ASCC2: variants seen among roughly 807,000 people sequenced by gnomAD.
ASCC2 encodes activating signal cointegrator 1 complex subunit 2.
In ASCC2, 42 loss-of-function variants were observed where a neutral mutation model predicts 93.5. The ratio of observed to expected loss-of-function variants is 0.45; its 90% CI spans 0.35 to 0.58. The LOEUF (loss-of-function observed/expected upper bound fraction) is 0.58. Among genes scored for constraint, ASCC2 ranks in the 20% least tolerant of loss-of-function variants. The probability of loss-of-function intolerance (pLI) is 0.00; values close to 1 mark genes in which losing one functional copy is unlikely to be tolerated. For missense variants in ASCC2, 859 were observed against 977.6 expected (o/e 0.88, Z 1.62); for synonymous variants, 364 against 384.2 (o/e 0.95, Z 0.62).
At chr22:29,818,255 T>C (rs1390465830) in intron 5 of ASCC2, among the ~76,000 whole-genome samples, 2 of 152,070 alleles carry the variant, frequency 1.3e-5, no homozygotes, top group African/African-American at 4.8e-5. Context: ...CGGCTGCCCC[T>C]TCTTGTGCCT....
chr22:29,789,716 T>A (rs1014808560), intron 19 of ASCC2, among the ~76,000 whole-genome samples: 1 of 152,186 alleles, frequency 6.6e-6, no homozygotes, highest in Non-Finnish European at 1.5e-5. Context: ...TCAACAACCT[T>A]CTGTGGCTCC....
chr22:29,804,927 C>T, intron 12 of ASCC2, 97 bp from the exon 13 acceptor site: 1 of 1,369,482 alleles, frequency 7.3e-7, no homozygotes, highest in Non-Finnish European at 1.0e-6. Flanking sequence ...TGGTTCCTGC[C>T]AGGGGCTTTC....
chr22:29,835,952 G>C (rs879423901), intron 1 of ASCC2, among the ~76,000 whole-genome samples: 2 of 152,128 alleles, frequency 1.3e-5, no homozygotes, highest in Non-Finnish European at 2.9e-5. Context: ...GGGGGAAAAG[G>C]TGACATTCCA....
chr22:29,799,056 C>T (rs2058774251), intron 15 of ASCC2: 2 of 152,306 alleles, frequency 1.3e-5, no homozygotes, highest in African/African-American at 4.8e-5. Context: ...TGGGACCAGC[C>T]CCTTGGCAAA....
intron 1 of ASCC2, among the ~76,000 whole-genome samples, chr22:29,836,768 G>A (rs1054141308): frequency 1.3e-5 from 2 of 152,152 alleles, no homozygotes; most frequent in Admixed American, 6.5e-5. Flanking sequence ...GGCCAGGCTG[G>A]TCTGGAACTC....
intron 9 of ASCC2, among the ~76,000 whole-genome samples, chr22:29,807,235 CAAAAAAAAAA>C (rs553545816): frequency 2.2e-4 from 10 of 46,480 alleles, no homozygotes; most frequent in African/African-American, 6.8e-4. Flanking sequence ...GACCCTGTCT[CAAAAAAAAAA>C]AAAAAAAAAA....
At chr22:29,809,146 A>G (rs922137414) in intron 8 of ASCC2, among the ~76,000 whole-genome samples, 10 of 147,666 alleles carry the variant, frequency 6.8e-5, no homozygotes, top group Non-Finnish European at 1.4e-4. Flanking sequence ...AAAAAATTTA[A>G]CATGAAAATC....
chr22:29,819,928 T>C (rs1039454854), intron 5 of ASCC2, among the ~76,000 whole-genome samples: 3 of 152,064 alleles, frequency 2.0e-5, no homozygotes, highest in African/African-American at 7.2e-5. Context: ...GGTGTGATCA[T>C]AGTTCACTAC....
chr22:29,827,552 C>T (rs1274790143), intron 2 of ASCC2: 1 of 470,834 alleles, frequency 2.1e-6, no homozygotes, highest in South Asian at 1.5e-5. Context: ...GTCTGCAGGA[C>T]CCCCTCCCAT....
rs2068515518 is a variant in ASCC2, at chr22:29,789,084, C to G, written c.2203G>C (p.Ala735Pro). ...QERRKKEANKATRANHNRRTM... is the reference protein window; with the variant it reads ...QERRKKEANKPTRANHNRRTM... ...CTCCGGTTGTGGTTGGCTCTTGTCG[C>G]CTTGTTGGCTTCCTTCTTCCTGCGT... The change falls in exon 20 of 20, where the codon GCG becomes CCG. Residue 735 changes from alanine to proline, a missense_variant. Physicochemically the swap from Ala to Pro is conservative, Grantham distance 27. Transcript: ENST00000307790. The G allele has an allele frequency of 6.2e-7, 1 of 1,614,038 alleles. No individual in the cohort carries two copies. Among genetic ancestry groups the G allele is most frequent in the Non-Finnish European group, 8.5e-7 (1 of 1,180,028 alleles).
At chr22:29,806,624 T>C (rs1776541011) in intron 10 of ASCC2, 71 bp from the exon 11 acceptor site, 1 of 1,510,064 alleles carries the variant, frequency 6.6e-7, no homozygotes, top group African/African-American at 1.4e-5. Context: ...ACACACCCGC[T>C]GCCCCTCTTT....
chr22:29,819,593 GA>G (rs1400190994), intron 5 of ASCC2, among the ~76,000 whole-genome samples: 3 of 152,170 alleles, frequency 2.0e-5, no homozygotes, highest in African/African-American at 7.2e-5. Context: ...GCCAGGAATA[GA>G]GCTGTGGTGT....
chr22:29,814,636 T>C (rs761231518), intron 7 of ASCC2, 21 bp downstream of exon 7: 1 of 1,570,778 alleles, frequency 6.4e-7, no homozygotes, highest in Non-Finnish European at 8.6e-7. Flanking sequence ...GGAAAGAGAC[T>C]GGGCCGAAGG....
At chr22:29,806,674 G>A (rs1041124581) in intron 10 of ASCC2, 121 bp from the exon 11 acceptor site, 18 of 1,424,832 alleles carry the variant, frequency 1.3e-5, no homozygotes, top group Non-Finnish European at 1.5e-5. Context: ...ATTTTTCTTG[G>A]TTTCTCATCT....
At chr22:29,798,114 A>G (rs2058654005) in intron 15 of ASCC2, among the ~76,000 whole-genome samples, 1 of 152,182 alleles carries the variant, frequency 6.6e-6, no homozygotes, top group Non-Finnish European at 1.5e-5. Flanking sequence ...GGAATGGTCC[A>G]AAGGGATTAG....
Position 29,825,542 on chromosome 22 carries a change from G to C in ASCC2, c.240+80C>G. On this transcript the variant is annotated intron_variant, in intron 3 of 19. Transcript: ENST00000307790. The surrounding 1 kb of genome is among the most constrained non-coding windows in gnomAD (Gnocchi z 4.9). Reference sequence around the variant, plus strand: ...GAAGTAGACAAAAAAGCACCTCCTAGGGGAAGAAAAACAACAACAGCAACC... The same window carrying C: ...GAAGTAGACAAAAAAGCACCTCCTACGGGAAGAAAAACAACAACAGCAACC... 2 of 1,593,690 alleles carry C rather than the reference G, an allele frequency of 1.3e-6. No homozygotes were observed. Among genetic ancestry groups the C allele is most frequent in the Non-Finnish European group, 1.7e-6 (2 of 1,162,354 alleles).
Position 29,806,814 on chromosome 22 carries a change from A to G in ASCC2, c.999T>C (p.Leu333=), listed in dbSNP as rs1275304505. 1.2e-6 allele frequency: 2 copies of G among 1,612,754 alleles called. No individual in the cohort carries two copies. The highest frequency in any genetic ancestry group is 1.7e-6 in the Non-Finnish European group (2 of 1,178,904). Residue 333 remains leucine, a synonymous_variant, in exon 10 of 20, where the codon CTT becomes CTC. Coordinates refer to ENST00000307790, the MANE Select transcript of ASCC2 (RefSeq NM_032204.5). ...GGGCTTACCTGCTTTCTAGGATGGG[A>G]AGGAGGCAGATCTGGTTCAGGATGA... ...FHIILNQICL[L]PILESSCDNI...
chr22:29,793,414 C>T lies in ASCC2; in HGVS notation c.1865G>A (p.Gly622Asp). ...YEDEYDDTYD[G>D]NQVGANDADS... ...TGCATCATTGGCGCCCACCTGGTTG[C>T]CATCGTATGTGTCATCGTACTCATC... The change falls in exon 17 of 20, where the codon GGC becomes GAC. Residue 622 changes from glycine to aspartate, a missense_variant. Coordinates refer to ENST00000307790, the MANE Select transcript of ASCC2 (RefSeq NM_032204.5). 1 of 1,614,074 alleles carries T rather than the reference C, an allele frequency of 6.2e-7. No individual in the cohort carries two copies. Among genetic ancestry groups the T allele is most frequent in the Non-Finnish European group, 8.5e-7 (1 of 1,180,044 alleles).
intron 6 of ASCC2, among the ~76,000 whole-genome samples, chr22:29,815,551 T>C (rs995748804): frequency 6.6e-6 from 1 of 152,164 alleles, no homozygotes; most frequent in Non-Finnish European, 1.5e-5. Context: ...TTCCAAAACT[T>C]ACTGTGAACA....
Sources: gnomAD v4.1 joint callset for allele counts (sites outside exome capture counted in the v4.1 genomes callset) on GRCh38, gnomAD v4.1.1 for gene constraint, Gnocchi (gnomAD v3.1) non-coding constraint, MANE v1.5 for transcripts, NCBI Gene and HGNC (gene_info 2026-07-23, HGNC 2026-07-21) for gene names.